MYO15A: variants seen among roughly 807,000 people sequenced by gnomAD.
MYO15A encodes the protein myosin XVA.
In MYO15A, 308 loss-of-function variants were observed where a neutral mutation model predicts 394.6. The ratio of observed to expected loss-of-function variants is 0.78; its 90% confidence interval spans 0.71 to 0.86. The LOEUF (loss-of-function observed/expected upper bound fraction) is 0.86. Ranked by LOEUF, MYO15A falls within the 40% of genes least tolerant of loss-of-function variation. The pLI, the probability that MYO15A is intolerant of heterozygous loss-of-function variation, is 0.00. For synonymous variants in MYO15A, 1,957 were observed against 2,003.8 expected, an observed-to-expected ratio of 0.98 and a Z score of 0.62; for missense variants, 4,606 against 4,799.1, an observed-to-expected ratio of 0.96 and a Z score of 1.19.
chr17:18,125,129 C>T (rs772824149), intron 3 of MYO15A, 39 bp from the exon 4 acceptor site: 19 of 1,598,948 alleles, frequency 1.2e-5, no homozygotes, highest in Admixed American at 5.0e-5. Context: ...CCAGAACCAG[C>T]CCTGGGGGCA....
chr17:18,163,378 C>T (rs1567661721), intron 59 of MYO15A, 57 bp downstream of exon 59: 5 of 1,561,318 alleles, frequency 3.2e-6, no homozygotes, highest in Non-Finnish European at 3.5e-6. Context: ...ACAAGGACAG[C>T]CCAGGCTCCA....
intron 1 of MYO15A, among the ~76,000 whole-genome samples, chr17:18,116,741 T>TA (rs2045791882): frequency 6.6e-6 from 1 of 151,592 alleles, no homozygotes; most frequent in East Asian, 1.9e-4. Context: ...GCCAACATGG[T>TA]AAAAACCGTC....
intron 1 of MYO15A, among the ~76,000 whole-genome samples, chr17:18,115,496 T>A (rs2045772614): frequency 6.6e-6 from 1 of 152,150 alleles, no homozygotes; most frequent in South Asian, 2.1e-4. Flanking sequence ...TGTGTGTCTG[T>A]AATCCCAGTT....
rs544718428 is a variant in MYO15A at position 18,137,061 on chromosome 17, G to A, written c.4779+375G>A. 3.3e-5 allele frequency among the ~76,000 whole-genome samples: 5 copies of A among 152,334 alleles called. No individual in the cohort carries two copies. The South Asian group carries it at 8.3e-4, about 25-fold the overall frequency. The stretch of plus-strand genomic sequence containing the variant: ...AACAGAATATGCAAGGGCTGGGAGG[G>A]GTGGCGGGTCATGAGGTCTGGGACT... On this transcript the variant is annotated intron_variant, in intron 15 of 65. Transcript: ENST00000647165.
intron 59 of MYO15A, 41 bp downstream of exon 59, chr17:18,163,362 G>A: frequency 6.3e-7 from 1 of 1,597,218 alleles, no homozygotes; most frequent in Non-Finnish European, 8.6e-7. Context: ...TACTGGAGGG[G>A]CAGGGACAAG....
rs1597802887 is a variant in MYO15A, at chr17:18,150,582, G to C, written c.7327+39G>C. The C allele has an allele frequency of 3.1e-6, 5 of 1,612,992 alleles. No individual in the cohort carries two copies. The highest frequency in any genetic ancestry group is 4.2e-6 in the Non-Finnish European group (5 of 1,179,166). ...CAGGGTGGTTCCAGGGTTGGGCAGG[G>C]CCAGAGCCACTTGCTGGTGTGCTAG... On this transcript the variant is annotated intron_variant, in intron 36 of 65. Coordinates refer to ENST00000647165, the MANE Select transcript of MYO15A (RefSeq NM_016239.4). The surrounding 1 kb of genome is among the most constrained non-coding windows in gnomAD (Gnocchi z 4.4).
Position 18,130,661 on chromosome 17 carries a change from G to A in MYO15A, c.4033-144G>A, listed in dbSNP as rs2046138494. The A allele has an allele frequency of 6.5e-5, 91 of 1,390,244 alleles. 1 individual carries two copies. In the South Asian group the frequency reaches 1.1e-3, roughly 17 times the overall value. The allele number at this position is 1,390,244 out of a possible 1,614,324, so 86.1% of individuals were successfully genotyped here. A position where few individuals can be genotyped will look rare whatever the true frequency, so the allele number is the denominator to read the frequency against. On this transcript the variant is annotated intron_variant, in intron 7 of 65. Coordinates refer to ENST00000647165, the MANE Select transcript of MYO15A (RefSeq NM_016239.4). ...GGCAGTCCCCAAGCCTGGACCCCTGGGGTCTCTGAGCCTCACAGGTTTTTA... is the reference window on the plus strand; with the variant it reads ...GGCAGTCCCCAAGCCTGGACCCCTGAGGTCTCTGAGCCTCACAGGTTTTTA...
chr17:18,162,645 A>T lies in MYO15A; in HGVS notation c.9578A>T (p.Glu3193Val), dbSNP rs763475373. 13 of 1,614,038 alleles carry T rather than the reference A, an allele frequency of 8.1e-6. No individual in the cohort carries two copies. Among genetic ancestry groups the T allele is most frequent in the Non-Finnish European group, 1.1e-5 (13 of 1,179,972 alleles). The part of the protein sequence containing the change: ...QKTLRFGGRL[E>V]LPSSIELRAM... Reference sequence around the variant, plus strand: ...ACCTTGCGCTTCGGAGGTCGTCTGGAGCTCCCCAGCAGCATAGAGCTTCGG... The same window carrying T: ...ACCTTGCGCTTCGGAGGTCGTCTGGTGCTCCCCAGCAGCATAGAGCTTCGG... The change falls in exon 58 of 66, where the codon GAG (glutamate) becomes GTG (valine). Residue 3193 changes from glutamate to valine, a missense_variant. Physicochemically the swap from Glu to Val is moderately radical, Grantham distance 121 (BLOSUM62 -2). This residue lies in a region of MYO15A where 2,776 missense variants were observed against 3,109.3 expected (regional missense o/e 0.89). Transcript: ENST00000647165.
intron 18 of MYO15A, chr17:18,139,311 C>A: frequency 1.6e-6 from 1 of 634,998 alleles, no homozygotes; most frequent in East Asian, 2.8e-5. Flanking sequence ...CCTTACTTTT[C>A]TCATCTGTAG....
chr17:18,120,721 G>C lies in MYO15A; in HGVS notation c.1921G>C (p.Ala641Pro). Residue 641 changes from alanine (A) to proline (P), a missense_variant, in exon 2 of 66, where the codon GCG becomes CCG. By Grantham distance (27) the Ala-to-Pro change is conservative. This residue lies in a region of MYO15A where 1,830 missense variants were observed against 1,689.7 expected (regional missense o/e 1.08). Transcript: ENST00000647165. ...AQPRARSSNDARRPPAPQPAP... is the reference protein window; with the variant it reads ...AQPRARSSNDPRRPPAPQPAP... ...GCCACGCGCTCGCAGCAGCAACGAC[G>C]CGCGCCGCCCGCCCGCGCCACAGCC... 6.7e-7 allele frequency: 1 copy of C among 1,491,530 alleles called. No homozygotes were observed. The highest frequency in any genetic ancestry group is 2.7e-5 in the East Asian group (1 of 36,942). 92.4% of individuals were successfully genotyped at this position (1,491,530 alleles called of 1,614,324 possible).
chr17:18,144,800 C>CA lies in MYO15A; in HGVS notation c.6273+227dup, dbSNP rs35437143. On this transcript the variant is annotated intron_variant, in intron 29 of 65. Transcript: ENST00000647165. ...TTTCTTCTCCCAGCCATCTTCCTGGCAAAAAAAAAAAAAAAAAAATTCTGC... is the reference window on the plus strand; with the variant it reads ...TTTCTTCTCCCAGCCATCTTCCTGGCAAAAAAAAAAAAAAAAAAAATTCTGC... Among the ~76,000 whole-genome samples, 42,391 of 116,986 alleles carry CA rather than the reference C, an allele frequency of 0.36. 7,306 individuals carry two copies. Among genetic ancestry groups the CA allele is most frequent in the Middle Eastern group, 0.46 (92 of 202 alleles). 76.7% of individuals were successfully genotyped at this position (116,986 alleles called of 152,430 possible). A position where few individuals can be genotyped will look rare whatever the true frequency, so the allele number is the denominator to read the frequency against.
intron 56 of MYO15A, among the ~76,000 whole-genome samples, chr17:18,160,233 G>A (rs1027538761): frequency 2.0e-5 from 3 of 152,224 alleles, no homozygotes; most frequent in Non-Finnish European, 2.9e-5. Flanking sequence ...TAAAATGACA[G>A]TGATAATGTG....
At chr17:18,137,306 C>T (rs1469331252) in intron 15 of MYO15A, among the ~76,000 whole-genome samples, 1 of 152,210 alleles carries the variant, frequency 6.6e-6, no homozygotes, top group Non-Finnish European at 1.5e-5. Flanking sequence ...GAAACTGAGG[C>T]ATGGGGCTGT....
rs55973639 is a variant in MYO15A at position 18,179,498 on chromosome 17, C to T, written c.*628C>T. ...GATTCACTGCCTATGAACAGACCAT[C>T]CCCCACTCCTTGGGTATCCCCAACC... On this transcript the variant is annotated 3_prime_UTR_variant, in exon 66 of 66. Coordinates refer to ENST00000647165, the MANE Select transcript of MYO15A (RefSeq NM_016239.4). The T allele has an allele frequency of 1.9e-5, 3 of 160,144 alleles. No homozygotes were observed. The highest frequency in any genetic ancestry group is 7.2e-5 in the African/African-American group (3 of 41,528). 9.9% of individuals were successfully genotyped at this position (160,144 alleles called of 1,614,324 possible).
At position 18,141,701 on chromosome 17, in the gene MYO15A, C is replaced by T. The variant is rs371751439; in HGVS notation, c.5580C>T (p.Asp1860=). 2.5e-6 allele frequency: 4 copies of T among 1,613,990 alleles called. No individual in the cohort carries two copies. Among genetic ancestry groups the T allele is most frequent in the South Asian group, 1.1e-5 (1 of 91,088 alleles). ...AGCATGACCTGCCGGCTAATGGGGA[C>T]ATGTGTGTGTCAGTGCTGAGTCGCC... ...ALKHDLPANG[D]MCVSVLSRLC... Residue 1860 remains aspartate (D), a synonymous_variant, in exon 23 of 66, where the codon GAC becomes GAT. Transcript: ENST00000647165.
chr17:18,146,312 G>C (rs1175840852), intron 30 of MYO15A, among the ~76,000 whole-genome samples: 1 of 152,168 alleles, frequency 6.6e-6, no homozygotes, highest in Non-Finnish European at 1.5e-5. Context: ...CTAGGAGTTA[G>C]GTCAGACTGG....
Position 18,157,907 on chromosome 17 carries a change from C to A in MYO15A, c.8967+7C>A. 1 of 768,222 alleles carries A rather than the reference C, an allele frequency of 1.3e-6. No homozygotes were observed. Among genetic ancestry groups the A allele is most frequent in the Non-Finnish European group, 1.8e-6 (1 of 552,798 alleles). 47.6% of individuals were successfully genotyped at this position (768,222 alleles called of 1,614,324 possible). A position where few individuals can be genotyped will look rare whatever the true frequency, so the allele number is the denominator to read the frequency against. ...GGTGGGCCGCAGGAGAGAGGTGAGA[C>A]CAGTGTGGGTGGGGTGGGGCGGGGT... is the stretch of plus-strand genomic sequence containing the variant. On this transcript the variant is annotated splice_region_variant and intron_variant, in intron 51 of 65. Transcript: ENST00000647165.
chr17:18,172,048 G>A lies in MYO15A; in HGVS notation c.10217-109G>A, dbSNP rs888013029. The A allele has an allele frequency of 1.1e-5, 17 of 1,574,188 alleles. No homozygotes were observed. The Admixed American group carries it at 1.5e-4, about 14-fold the overall frequency. Reference sequence around the variant, plus strand: ...AGATGGGAGGAGACCCAGACCAAGGGCTTCTGCACTGGCTGGACACAGCCC... The same window carrying A: ...AGATGGGAGGAGACCCAGACCAAGGACTTCTGCACTGGCTGGACACAGCCC... On this transcript the variant is annotated intron_variant, in intron 63 of 65. Transcript: ENST00000647165.
In MYO15A at chr17:18,179,257, T is replaced by A; in HGVS notation, c.*387T>A. The A allele has an allele frequency of 5.7e-6, 2 of 351,214 alleles. No individual in the cohort carries two copies. The highest frequency in any genetic ancestry group is 5.1e-5 in the South Asian group (2 of 39,458). 21.8% of individuals were successfully genotyped at this position (351,214 alleles called of 1,614,324 possible). ...GCCTCTGCCTTTGGTTTACTCAGGGTCTGATGTTGGAATCTGCTCCAACTC... is the reference window on the plus strand; with the variant it reads ...GCCTCTGCCTTTGGTTTACTCAGGGACTGATGTTGGAATCTGCTCCAACTC... On this transcript the variant is annotated 3_prime_UTR_variant, in exon 66 of 66. Transcript: ENST00000647165.
Sources: gnomAD v4.1 joint callset for allele counts (sites outside exome capture counted in the v4.1 genomes callset) on GRCh38, gnomAD v4.1.1 for gene constraint, gnomAD v4.1.1 regional missense constraint, Gnocchi (gnomAD v3.1) non-coding constraint, MANE v1.5 for transcripts, NCBI Gene and HGNC (gene_info 2026-07-23, HGNC 2026-07-21) for gene names.